The following NAV2 variants were observed in gnomAD, a reference collection of about 807,000 sequenced individuals.
NAV2 encodes neuron navigator 2, also known as helicase, APC down-regulated 1.
Under a neutral mutation model 223.2 loss-of-function variants are expected in NAV2, and 54 were observed. That is an observed-to-expected ratio of 0.24 (90% CI 0.19 to 0.30). The LOEUF (loss-of-function observed/expected upper bound fraction) is 0.30, where lower values mean the gene tolerates loss of function less well. Ranked by LOEUF, NAV2 falls within the 10% of genes least tolerant of loss-of-function variation. NAV2 has a pLI of 1.00. For missense variants in NAV2, 2,806 were observed against 3,147.5 expected, an observed-to-expected ratio of 0.89 and a Z score of 2.60; for synonymous variants, 1,279 against 1,239.3, an observed-to-expected ratio of 1.03 and a Z score of -0.67.
intron 6 of NAV2, among the ~76,000 whole-genome samples, chr11:19,907,944 A>G (rs1591181437): frequency 1.3e-5 from 2 of 152,338 alleles, no homozygotes; most frequent in African/African-American, 2.4e-5. Context: ...AAGACATTGT[A>G]GCTGAACTCC....
At position 19,949,040 on chromosome 11, in the gene NAV2, G is replaced by T; in HGVS notation, c.2605G>T (p.Val869Phe). 1 of 1,613,488 alleles carries T rather than the reference G, an allele frequency of 6.2e-7. No individual in the cohort carries two copies. The highest frequency in any genetic ancestry group is 8.5e-7 in the Non-Finnish European group (1 of 1,179,602). ...CCCCGGCTACATGAGCGACGGGGAT[G>T]TTCTGAGCAAGAACATCCGGACCGA... ...DAPGYMSDGD[V>F]LSKNIRTDDI... The change falls in exon 10 of 38, where the codon GTT becomes TTT. Residue 869 changes from valine (V) to phenylalanine (F), a missense_variant. By Grantham distance (50) the Val-to-Phe change is conservative (BLOSUM62 -1). Coordinates refer to ENST00000349880, the MANE Select transcript of NAV2 (RefSeq NM_145117.5).
intron 1 of NAV2, among the ~76,000 whole-genome samples, chr11:19,473,662 C>T (rs1724165858): frequency 1.3e-5 from 2 of 152,008 alleles, no homozygotes; most frequent in African/African-American, 4.8e-5. Flanking sequence ...AGTTGCTCTT[C>T]TGGCTGTCAC....
chr11:19,935,851 G>GTTTTTTTTTTTTTTTTTCTTTTTTTTTT (rs2045814357), intron 7 of NAV2, among the ~76,000 whole-genome samples: 1 of 52,702 alleles, frequency 1.9e-5, no homozygotes, highest in Non-Finnish European at 3.4e-5. Context: ...TTTTGTTTCT[G>GTTTTTTTTTTTTTTTTTCTTTTTTTTTT]TTTTTTTTTT....
chr11:19,778,706 A>T (rs115077613), intron 1 of NAV2, among the ~76,000 whole-genome samples: 1 of 152,114 alleles, frequency 6.6e-6, no homozygotes, highest in South Asian at 2.1e-4. Context: ...CTATTTTACA[A>T]CTTCATTTAA....
At chr11:19,532,869 T>C (rs1392571933) in intron 1 of NAV2, among the ~76,000 whole-genome samples, 1 of 152,194 alleles carries the variant, frequency 6.6e-6, no homozygotes, top group East Asian at 1.9e-4. Context: ...GAATGGAGTG[T>C]TCCTGCAAAA....
At chr11:19,394,944 G>A (rs919743849) in intron 1 of NAV2, among the ~76,000 whole-genome samples, 7 of 152,290 alleles carry the variant, frequency 4.6e-5, no homozygotes, top group African/African-American at 1.4e-4. Flanking sequence ...ACATAATCCC[G>A]TAAAGCCCAA....
At chr11:19,661,359 C>T (rs2048278330) in intron 1 of NAV2, among the ~76,000 whole-genome samples, 1 of 152,094 alleles carries the variant, frequency 6.6e-6, no homozygotes, top group Admixed American at 6.6e-5. Context: ...TCCATGGATA[C>T]TTGGGTTGCT....
chr11:19,897,886 T>TA lies in NAV2; in HGVS notation c.931+5292_931+5293insA, dbSNP rs1555129987. Reference sequence around the variant, plus strand: ...GCCACAGCTGTGCCTGACCTGTGATTTATATATATATATATATATGTGAGC... The same window carrying TA: ...GCCACAGCTGTGCCTGACCTGTGATTATATATATATATATATATATGTGAGC... On this transcript the variant is annotated intron_variant, in intron 6 of 37. Transcript: ENST00000349880. Among the ~76,000 whole-genome samples the TA allele has an allele frequency of 5.8e-4, 70 of 120,684 alleles. 1 individual carries two copies. The highest frequency in any genetic ancestry group is 2.2e-3 in the African/African-American group (64 of 29,684). 79.2% of individuals were successfully genotyped at this position (120,684 alleles called of 152,430 possible).
At chr11:19,579,571 T>C (rs866001014) in intron 1 of NAV2, among the ~76,000 whole-genome samples, 2 of 152,200 alleles carry the variant, frequency 1.3e-5, no homozygotes, top group East Asian at 3.9e-4. Flanking sequence ...AATATGTTGA[T>C]TTACCTTTCC....
intron 1 of NAV2, among the ~76,000 whole-genome samples, chr11:19,574,587 C>G (rs1423026872): frequency 6.6e-6 from 1 of 152,182 alleles, no homozygotes; most frequent in African/African-American, 2.4e-5. Flanking sequence ...TAGAAACCCC[C>G]TCTTTTTCCT....
rs1334843316 is a variant in NAV2, at chr11:20,022,625, T to C, written c.2769-13334T>C. Reference sequence around the variant, plus strand: ...AGCTAAGAAATGTTATAGTCAATGATTTTTGCATCATTAAAAGTAGCACTT... The same window carrying C: ...AGCTAAGAAATGTTATAGTCAATGACTTTTGCATCATTAAAAGTAGCACTT... On this transcript the variant is annotated intron_variant, in intron 11 of 37. Transcript: ENST00000349880. 5.1e-6 allele frequency: 5 copies of C among 987,966 alleles called. No individual in the cohort carries two copies. The Admixed American group carries it at 3.0e-4, about 60-fold the overall frequency. The allele number at this position is 987,966 out of a possible 1,614,324, so 61.2% of individuals were successfully genotyped here. A position where few individuals can be genotyped will look rare whatever the true frequency, so the allele number is the denominator to read the frequency against.
intron 1 of NAV2, among the ~76,000 whole-genome samples, chr11:19,598,672 G>C (rs2046274983): frequency 6.6e-6 from 1 of 152,092 alleles, no homozygotes; most frequent in Non-Finnish European, 1.5e-5. Context: ...AAAGATTAAG[G>C]AATTTGCCCG....
intron 1 of NAV2, among the ~76,000 whole-genome samples, chr11:19,819,867 C>T (rs1270862866): frequency 6.6e-6 from 1 of 152,224 alleles, no homozygotes; most frequent in Non-Finnish European, 1.5e-5. Context: ...TAAACATGTG[C>T]AGAGTTCTGC....
chr11:20,117,896 G>A (rs2063259131), intron 37 of NAV2, among the ~76,000 whole-genome samples: 1 of 152,180 alleles, frequency 6.6e-6, no homozygotes, highest in African/African-American at 2.4e-5. Context: ...CATTTGACCA[G>A]TAAAGAAACA....
chr11:19,931,487 A>C (rs533016893), intron 6 of NAV2, among the ~76,000 whole-genome samples: 55 of 152,074 alleles, frequency 3.6e-4, no homozygotes, highest in Non-Finnish European at 1.0e-4. Context: ...CACGCCCCAC[A>C]CAGGGGCTGC....
intron 1 of NAV2, among the ~76,000 whole-genome samples, chr11:19,676,242 A>G (rs536385712): frequency 3.8e-4 from 58 of 152,328 alleles, no homozygotes; most frequent in African/African-American, 1.3e-3. Context: ...CCCACCACAT[A>G]TATTTGAAAA....
At chr11:19,944,732 T>C (rs550124958) in intron 8 of NAV2, among the ~76,000 whole-genome samples, 2 of 142,718 alleles carry the variant, frequency 1.4e-5, no homozygotes, top group African/African-American at 5.9e-5. Flanking sequence ...TTCCTTCCTT[T>C]CTGTCTCCCC....
At chr11:19,825,291 C>CAAA (rs58499844) in intron 1 of NAV2, among the ~76,000 whole-genome samples, 1 of 48,224 alleles carries the variant, frequency 2.1e-5, no homozygotes, top group African/African-American at 9.2e-5. Context: ...GACTCTGTCT[C>CAAA]AAAAAAAAAA....
chr11:19,777,397 T>C (rs2056335795), intron 1 of NAV2: 1 of 437,204 alleles, frequency 2.3e-6, no homozygotes, highest in Non-Finnish European at 4.5e-6. Context: ...CGCGGGCAGG[T>C]GCTTCGGCTT....
Sources: allele counts gnomAD v4.1 joint callset (sites outside exome capture counted in the v4.1 genomes callset), GRCh38; gene constraint gnomAD v4.1.1; transcripts MANE v1.5; gene names NCBI Gene and HGNC (gene_info 2026-07-23, HGNC 2026-07-21).